Variants in NOX4 observed in about 807,000 individuals in gnomAD.
NOX4 encodes NADPH oxidase 4.
Under a neutral mutation model 87.6 loss-of-function variants are expected in NOX4, and 69 were observed. That is an observed-to-expected ratio of 0.79 (90% CI 0.65 to 0.96). The LOEUF (loss-of-function observed/expected upper bound fraction) is 0.96, where lower values mean the gene tolerates loss of function less well. NOX4 is among the 40% of genes least tolerant of loss of function. The pLI is 0.00. For synonymous variants in NOX4, 275 were observed against 238.2 expected (o/e 1.15, Z -1.42); for missense variants, 680 against 681.5 (o/e 1.00, Z 0.02).
chr11:89,549,226 T>C, the NOX4 span, among the ~76,000 whole-genome samples: 1 of 152,228 alleles, frequency 6.6e-6, no homozygotes, highest in African/African-American at 2.4e-5. Context: ...CTGTGTGTTA[T>C]TACTAATAGT....
chr11:89,431,922 T>C (rs1224745783), intron 7 of NOX4, among the ~76,000 whole-genome samples: 2 of 152,126 alleles, frequency 1.3e-5, no homozygotes, highest in East Asian at 1.9e-4. Context: ...TGCGGCACTA[T>C]TCACAATAGC....
chr11:89,380,037 T>C (rs1475428280), intron 11 of NOX4, among the ~76,000 whole-genome samples: 1 of 152,144 alleles, frequency 6.6e-6, no homozygotes, highest in Non-Finnish European at 1.5e-5. Flanking sequence ...AAGGCCTAAA[T>C]GTTCTGGATA....
intron 8 of NOX4, among the ~76,000 whole-genome samples, chr11:89,404,280 T>G (rs1942042377): frequency 6.6e-6 from 1 of 152,158 alleles, no homozygotes; most frequent in Admixed American, 6.6e-5. Context: ...TAGTGACTGA[T>G]AGCTAAGTAG....
intron 13 of NOX4, among the ~76,000 whole-genome samples, chr11:89,349,651 A>G (rs1946372755): frequency 1.3e-5 from 2 of 152,348 alleles, no homozygotes; most frequent in South Asian, 4.1e-4. Flanking sequence ...TTTGTCATAA[A>G]TGATATTCCT....
rs746404565 is a variant in NOX4 at position 89,326,776 on chromosome 11, T to G, written c.1717A>C (p.Asn573His). ...NNSYGTRFEY[N>H]KESFS Reference sequence around the variant, plus strand: ...AGTTTTCAGCTGAAAGACTCTTTATTGTATTCAAATCTTGTCCCATATGAG... The same window carrying G: ...AGTTTTCAGCTGAAAGACTCTTTATGGTATTCAAATCTTGTCCCATATGAG... Residue 573 changes from asparagine (N) to histidine (H), a missense_variant, in exon 18 of 18, where the codon AAT becomes CAT. Asn to His is a moderately conservative substitution (Grantham distance 68, BLOSUM62 1). Transcript: ENST00000263317. 6.2e-7 allele frequency: 1 copy of G among 1,613,190 alleles called. No individual in the cohort carries two copies. Among genetic ancestry groups the G allele is most frequent in the African/African-American group, 1.3e-5 (1 of 74,904 alleles).
intron 17 of NOX4, among the ~76,000 whole-genome samples, chr11:89,332,607 T>C (rs1161770751): frequency 6.6e-6 from 1 of 151,926 alleles, no homozygotes; most frequent in Non-Finnish European, 1.5e-5. Context: ...ACAGCATTCA[T>C]AGTAAACATG....
the NOX4 span, among the ~76,000 whole-genome samples, chr11:89,581,953 C>T: frequency 2.0e-5 from 3 of 152,132 alleles, no homozygotes; most frequent in Admixed American, 1.3e-4. Flanking sequence ...ATACACTGTA[C>T]AGTAGATATC....
At chr11:89,516,837 G>C in the NOX4 span, among the ~76,000 whole-genome samples, 17 of 152,010 alleles carry the variant, frequency 1.1e-4, no homozygotes, top group Admixed American at 2.0e-4. Context: ...GGTGTCTGCT[G>C]TTCTTGCCTG....
the NOX4 span, among the ~76,000 whole-genome samples, chr11:89,541,253 G>C: frequency 6.6e-6 from 1 of 152,116 alleles, no homozygotes; most frequent in African/African-American, 2.4e-5. Flanking sequence ...CTAGATCCTT[G>C]ACTTAGTGGG....
chr11:89,345,034 G>A (rs1049276809), intron 13 of NOX4, among the ~76,000 whole-genome samples: 1 of 152,156 alleles, frequency 6.6e-6, no homozygotes, highest in Non-Finnish European at 1.5e-5. Context: ...GACCATTCTA[G>A]TCTCAGGAGA....
rs555950079 is a variant in NOX4, at chr11:89,476,513, T to C, written c.153+13945A>G. Among the ~76,000 whole-genome samples the C allele has an allele frequency of 5.3e-5, 8 of 152,194 alleles. No individual in the cohort carries two copies. In the East Asian group the frequency reaches 1.5e-3, roughly 29 times the overall value. On this transcript the variant is annotated intron_variant, in intron 2 of 17. Coordinates refer to ENST00000263317, the MANE Select transcript of NOX4 (RefSeq NM_016931.5). ...CATGGTGATATTATTTTCACATTTA[T>C]CCTAATCTGACTAAATCCAACTCCT...
chr11:89,413,296 A>T (rs915062776), intron 8 of NOX4, among the ~76,000 whole-genome samples: 15 of 152,118 alleles, frequency 9.9e-5, no homozygotes, highest in Non-Finnish European at 4.4e-5. Context: ...TAAAAACAGA[A>T]CTACCATATG....
At chr11:89,576,166 A>C in the NOX4 span, among the ~76,000 whole-genome samples, 3 of 152,310 alleles carry the variant, frequency 2.0e-5, no homozygotes, top group African/African-American at 7.2e-5. Flanking sequence ...CAACTTTAAA[A>C]CTGCTTGTAG....
At chr11:89,477,129 A>G (rs1187884325) in intron 2 of NOX4, among the ~76,000 whole-genome samples, 2 of 152,176 alleles carry the variant, frequency 1.3e-5, no homozygotes, top group African/African-American at 2.4e-5. Context: ...TAGTATTATT[A>G]CATTGTAATA....
At chr11:89,343,671 C>G (rs926310703) in intron 13 of NOX4, among the ~76,000 whole-genome samples, 2 of 152,038 alleles carry the variant, frequency 1.3e-5, no homozygotes, top group Non-Finnish European at 2.9e-5. Flanking sequence ...GACTTTCTCC[C>G]TATCATAGTA....
chr11:89,532,742 C>T, the NOX4 span, among the ~76,000 whole-genome samples: 1 of 152,132 alleles, frequency 6.6e-6, no homozygotes, highest in Non-Finnish European at 1.5e-5. Context: ...ACCCAAATCT[C>T]ATCTTGAATA....
chr11:89,396,615 G>T (rs562189486), intron 11 of NOX4, among the ~76,000 whole-genome samples: 10 of 152,076 alleles, frequency 6.6e-5, no homozygotes, highest in African/African-American at 1.9e-4. Context: ...AATAAAGGGA[G>T]GGAGGAAGAT....
intron 12 of NOX4, among the ~76,000 whole-genome samples, chr11:89,366,513 A>G (rs1170355188): frequency 6.6e-6 from 1 of 151,802 alleles, no homozygotes; most frequent in East Asian, 1.9e-4. Flanking sequence ...CTGCCTCTAC[A>G]AAAAATATAA....
At position 89,444,119 on chromosome 11, in the gene NOX4, G is replaced by A. The variant is rs1349898781; in HGVS notation, c.447+16C>T. 4 of 1,608,098 alleles carry A rather than the reference G, an allele frequency of 2.5e-6. No homozygotes were observed. Among genetic ancestry groups the A allele is most frequent in the Admixed American group, 3.3e-5 (2 of 59,868 alleles). On this transcript the variant is annotated intron_variant, in intron 5 of 17. Transcript: ENST00000263317. ...ATGACAAGTGAAAGAAAAATGGGAAGACAGAGACCACCCACCTCATCTCGG... is the reference window on the plus strand; with the variant it reads ...ATGACAAGTGAAAGAAAAATGGGAAAACAGAGACCACCCACCTCATCTCGG...
Sources: gnomAD v4.1 joint callset for allele counts (sites outside exome capture counted in the v4.1 genomes callset) on GRCh38, gnomAD v4.1.1 for gene constraint, MANE v1.5 for transcripts, NCBI Gene and HGNC (gene_info 2026-07-23, HGNC 2026-07-21) for gene names.